HERC6: variants seen among roughly 807,000 people sequenced by gnomAD.
HERC6 encodes the protein HECT and RLD domain containing E3 ubiquitin protein ligase family member 6, also known as probable E3 ubiquitin-protein ligase HERC6.
Under a neutral mutation model 114.5 loss-of-function variants are expected in HERC6, and 101 were observed. The ratio of observed to expected loss-of-function variants is 0.88; its 90% confidence interval spans 0.75 to 1.04. The LOEUF (loss-of-function observed/expected upper bound fraction) is 1.04, where lower values mean the gene tolerates loss of function less well. HERC6 is among the 50% of genes least tolerant of loss of function. The pLI, the probability that HERC6 is intolerant of heterozygous loss-of-function variation, is 0.00. For missense variants in HERC6, 1,133 were observed against 1,230.9 expected (o/e 0.92, Z 1.19); for synonymous variants, 408 against 436.2 (o/e 0.94, Z 0.81).
chr4:88,414,501 T>C (rs1307273570), intron 12 of HERC6, among the ~76,000 whole-genome samples: 1 of 152,030 alleles, frequency 6.6e-6, no homozygotes, highest in Non-Finnish European at 1.5e-5. Context: ...GTCTATAAAG[T>C]GAAAGTAAGT....
chr4:88,391,285 C>G (rs1483874259), intron 4 of HERC6, among the ~76,000 whole-genome samples: 1 of 152,216 alleles, frequency 6.6e-6, no homozygotes, highest in East Asian at 1.9e-4. Context: ...AAGTCTTTCT[C>G]AAGTCACATT....
intron 11 of HERC6, 32 bp downstream of exon 11, chr4:88,408,649 C>A: frequency 7.5e-7 from 1 of 1,326,632 alleles, no homozygotes; most frequent in Non-Finnish European, 1.1e-6. Context: ...AGATATAGAA[C>A]AAATACGATT....
Position 88,442,516 on chromosome 4 carries a change from C to G in HERC6, c.*56C>G. The G allele has an allele frequency of 1.6e-6, 2 of 1,229,254 alleles. No individual in the cohort carries two copies. The highest frequency in any genetic ancestry group is 2.4e-6 in the Non-Finnish European group (2 of 843,822). 76.1% of individuals were successfully genotyped at this position (1,229,254 alleles called of 1,614,324 possible). A position where few individuals can be genotyped will look rare whatever the true frequency, so the allele number is the denominator to read the frequency against. On this transcript the variant is annotated 3_prime_UTR_variant, in exon 23 of 23. Coordinates refer to ENST00000264346, the MANE Select transcript of HERC6 (RefSeq NM_017912.4). ...TCACACTTGGATCCTTCTGTTCTTC[C>G]TTACACCTAAATAATACAAGAGATT...
intron 4 of HERC6, among the ~76,000 whole-genome samples, chr4:88,393,282 G>C (rs549469696): frequency 6.8e-6 from 1 of 148,068 alleles, no homozygotes; most frequent in South Asian, 2.1e-4. Context: ...AATAAGAAAA[G>C]ATATAAAAGA....
At chr4:88,439,235 A>G (rs375463382) in intron 20 of HERC6, among the ~76,000 whole-genome samples, 32 of 152,216 alleles carry the variant, frequency 2.1e-4, no homozygotes, top group African/African-American at 7.7e-4. Flanking sequence ...GGAGCTGGGC[A>G]CCATGGTGCA....
chr4:88,398,174 G>T lies in HERC6; in HGVS notation c.1057G>T (p.Ala353Ser), dbSNP rs762305742. Residue 353 changes from alanine (A) to serine (S), a missense_variant, in exon 8 of 23, where the codon GCT (alanine) becomes TCT (serine). Transcript: ENST00000264346. The part of the protein sequence containing the change: ...FVDVQVKHIF[A>S]GTYANFVTTH... Reference sequence around the variant, plus strand: ...GGATGTTCAAGTCAAACACATTTTTGCTGGAACATATGCCAACTTTGTGAC... The same window carrying T: ...GGATGTTCAAGTCAAACACATTTTTTCTGGAACATATGCCAACTTTGTGAC... The T allele has an allele frequency of 6.3e-7, 1 of 1,596,878 alleles. No homozygotes were observed. The highest frequency in any genetic ancestry group is 1.1e-5 in the South Asian group (1 of 87,232).
intron 1 of HERC6, among the ~76,000 whole-genome samples, chr4:88,382,689 C>G (rs1249062503): frequency 6.6e-6 from 1 of 152,070 alleles, no homozygotes. Flanking sequence ...TGAGCAGCAC[C>G]AGACCTCAAG....
At chr4:88,424,394 C>T (rs1737379487) in intron 14 of HERC6, among the ~76,000 whole-genome samples, 2 of 152,040 alleles carry the variant, frequency 1.3e-5, no homozygotes, top group South Asian at 2.1e-4. Context: ...GTGGGAGGAT[C>T]ACTTGAGCCC....
chr4:88,424,497 A>G, intron 14 of HERC6, 98 bp from the exon 15 acceptor site: 1 of 907,256 alleles, frequency 1.1e-6, no homozygotes, highest in South Asian at 1.5e-5. Flanking sequence ...AAAGAACCAC[A>G]AAAACCAGAT....
At chr4:88,437,877 A>T (rs995826754) in intron 20 of HERC6, 96 bp downstream of exon 20, 3 of 932,032 alleles carry the variant, frequency 3.2e-6, no homozygotes, top group Admixed American at 4.7e-5. Context: ...TATGGTTCAC[A>T]CCTGTAATCC....
At chr4:88,409,712 C>G (rs1735992381) in intron 11 of HERC6, among the ~76,000 whole-genome samples, 1 of 152,148 alleles carries the variant, frequency 6.6e-6, no homozygotes, top group Non-Finnish European at 1.5e-5. Context: ...CTACTTCATC[C>G]TTTCTCTTTG....
At chr4:88,422,380 C>T (rs1737154699) in intron 13 of HERC6, among the ~76,000 whole-genome samples, 2 of 152,086 alleles carry the variant, frequency 1.3e-5, no homozygotes, top group African/African-American at 4.8e-5. Flanking sequence ...AAAGGGAAAA[C>T]CTTAACATCC....
chr4:88,379,001 A>C lies in HERC6; in HGVS notation c.80A>C (p.Gln27Pro). ...TAGSPGAELLQAASGERHSLL... is the reference protein window; with the variant it reads ...TAGSPGAELLPAASGERHSLL... Reference sequence around the variant, plus strand: ...GGCAGCCCCGGGGCTGAGCTACTGCAGGCGGCCAGCGGGGAGCGCCACTCT... The same window carrying C: ...GGCAGCCCCGGGGCTGAGCTACTGCCGGCGGCCAGCGGGGAGCGCCACTCT... Residue 27 changes from glutamine (Q) to proline (P), a missense_variant, in exon 1 of 23, where the codon CAG becomes CCG. Gln to Pro is a moderately conservative substitution (Grantham distance 76, BLOSUM62 -1). Around this residue, in one of 3 missense-constraint regions of HERC6, gnomAD observed 735 missense variants for 754.0 expected, o/e 0.97. Coordinates refer to ENST00000264346, the MANE Select transcript of HERC6 (RefSeq NM_017912.4). 1 of 1,576,636 alleles carries C rather than the reference A, an allele frequency of 6.3e-7. No individual in the cohort carries two copies. Among genetic ancestry groups the C allele is most frequent in the Non-Finnish European group, 8.6e-7 (1 of 1,162,788 alleles).
intron 7 of HERC6, 44 bp downstream of exon 7, chr4:88,397,031 C>T: frequency 6.4e-7 from 1 of 1,568,980 alleles, no homozygotes; most frequent in Non-Finnish European, 8.7e-7. Flanking sequence ...ATCAATGCCA[C>T]TGGAAGAGAA....
chr4:88,417,820 C>A (rs1196547003), intron 13 of HERC6, among the ~76,000 whole-genome samples: 1 of 151,978 alleles, frequency 6.6e-6, no homozygotes, highest in Non-Finnish European at 1.5e-5. Context: ...GTACACTGTG[C>A]TTGTAATTCT....
At chr4:88,424,542 T>G in intron 14 of HERC6, 53 bp from the exon 15 acceptor site, 5 of 1,368,924 alleles carry the variant, frequency 3.7e-6, no homozygotes, top group Admixed American at 2.0e-5. Context: ...AGGAAGTAAG[T>G]TTTTTTTCAT....
intron 5 of HERC6, among the ~76,000 whole-genome samples, chr4:88,395,585 T>C (rs1377044928): frequency 6.6e-6 from 1 of 152,158 alleles, no homozygotes; most frequent in Non-Finnish European, 1.5e-5. Flanking sequence ...TAAGATCTAC[T>C]CTCTTAGTAA....
At chr4:88,401,366 AC>A (rs1735526379) in intron 8 of HERC6, among the ~76,000 whole-genome samples, 1 of 151,560 alleles carries the variant, frequency 6.6e-6, no homozygotes, top group South Asian at 2.1e-4. Context: ...GGTGGAGGGC[AC>A]CTGTAATCCC....
At chr4:88,432,769 A>T (rs1268285015) in intron 17 of HERC6, among the ~76,000 whole-genome samples, 1 of 151,924 alleles carries the variant, frequency 6.6e-6, no homozygotes, top group Non-Finnish European at 1.5e-5. Flanking sequence ...GAAAAATAAA[A>T]AAGGTGATTC....
Sources: gnomAD v4.1 joint callset for allele counts (sites outside exome capture counted in the v4.1 genomes callset) on GRCh38, gnomAD v4.1.1 for gene constraint, gnomAD v4.1.1 regional missense constraint, MANE v1.5 for transcripts, NCBI Gene and HGNC (gene_info 2026-07-23, HGNC 2026-07-21) for gene names.